GOLGA3: variants seen among roughly 807,000 people sequenced by gnomAD.
GOLGA3 encodes golgin subfamily A member 3.
GOLGA3 carries 75 observed loss-of-function variants against 169.4 expected under a neutral mutation model. That is an observed-to-expected ratio of 0.44 (90% confidence interval 0.37 to 0.54). The LOEUF (loss-of-function observed/expected upper bound fraction) is 0.54. GOLGA3 is among the 20% of genes least tolerant of loss of function. The pLI is 0.00. For missense variants in GOLGA3, 1,899 were observed against 1,930.0 expected (o/e 0.98, Z 0.30); for synonymous variants, 824 against 822.4 (o/e 1.00, Z -0.03).
Position 132,781,538 on chromosome 12 carries a change from A to C in GOLGA3, c.3466-624T>G, listed in dbSNP as rs187168477. 2.3e-3 allele frequency among the ~76,000 whole-genome samples: 352 copies of C among 152,288 alleles called. 1 individual carries two copies. Among genetic ancestry groups the C allele is most frequent in the Non-Finnish European group, 3.9e-3 (266 of 68,026 alleles). The stretch of plus-strand genomic sequence containing the variant: ...GCACTCCAGCCTGAGAGACAGAGTG[A>C]GACTCCGTATTACTAACAACAACAA... On this transcript the variant is annotated intron_variant, in intron 17 of 23. Transcript: ENST00000450791.
chr12:132,773,000 A>G lies in GOLGA3; in HGVS notation c.*105T>C. ...TTTACTTCTTGTTAAAGGCAAAACAAAACTTAAATTTCATGTCTTAGAAAA... is the reference window on the plus strand; with the variant it reads ...TTTACTTCTTGTTAAAGGCAAAACAGAACTTAAATTTCATGTCTTAGAAAA... On this transcript the variant is annotated 3_prime_UTR_variant, in exon 24 of 24. Coordinates refer to ENST00000450791, the MANE Select transcript of GOLGA3 (RefSeq NM_001389683.1). 1 of 877,650 alleles carries G rather than the reference A, an allele frequency of 1.1e-6. No individual in the cohort carries two copies. The highest frequency in any genetic ancestry group is 1.7e-6 in the Non-Finnish European group (1 of 592,700). The allele number at this position is 877,650 out of a possible 1,614,324, so 54.4% of individuals were successfully genotyped here. A position where few individuals can be genotyped will look rare whatever the true frequency, so the allele number is the denominator to read the frequency against.
rs146181557 is a variant in GOLGA3, at chr12:132,785,161, T to C, written c.3124-854A>G. Among the ~76,000 whole-genome samples, 3 of 152,324 alleles carry C rather than the reference T, an allele frequency of 2.0e-5. No homozygotes were observed. The East Asian group carries it at 5.8e-4, about 29-fold the overall frequency. ...AAGACATCGGCTCGCAGCTGTGCTATTCCTCAGCTGCAACAGCGTGGCGAG... is the reference window on the plus strand; with the variant it reads ...AAGACATCGGCTCGCAGCTGTGCTACTCCTCAGCTGCAACAGCGTGGCGAG... On this transcript the variant is annotated intron_variant, in intron 15 of 23. Transcript: ENST00000450791.
chr12:132,814,135 C>T (rs1234250419), intron 3 of GOLGA3, among the ~76,000 whole-genome samples: 1 of 151,300 alleles, frequency 6.6e-6, no homozygotes, highest in African/African-American at 2.4e-5. Flanking sequence ...AGCGATTCTC[C>T]TGCCACAGCC....
chr12:132,809,202 T>C (rs1314229686), intron 4 of GOLGA3, among the ~76,000 whole-genome samples: 1 of 152,210 alleles, frequency 6.6e-6, no homozygotes, highest in Non-Finnish European at 1.5e-5. Context: ...TCAGGGACTA[T>C]TAGTACTTTC....
intron 18 of GOLGA3, among the ~76,000 whole-genome samples, chr12:132,780,173 GC>G (rs934928721): frequency 8.2e-6 from 1 of 121,414 alleles, no homozygotes; most frequent in Non-Finnish European, 1.8e-5. Context: ...TGCATGCACA[GC>G]CCCCCGCGTG....
At chr12:132,826,253 A>AAAAAG in intron 1 of GOLGA3, 2 of 1,231,894 alleles carry the variant, frequency 1.6e-6, no homozygotes, top group Non-Finnish European at 2.2e-6. Context: ...AAAAAAAAAA[A>AAAAAG]AAAAAGAAAC....
chr12:132,773,486 A>G (rs1212811895), intron 23 of GOLGA3, among the ~76,000 whole-genome samples, 192 bp from the exon 24 acceptor site: 1 of 152,242 alleles, frequency 6.6e-6, no homozygotes, highest in Non-Finnish European at 1.5e-5. Context: ...ACACAGGCTC[A>G]AGGACCAGTC....
intron 1 of GOLGA3, among the ~76,000 whole-genome samples, chr12:132,826,880 G>A (rs745984651): frequency 3.9e-5 from 6 of 152,200 alleles, no homozygotes; most frequent in Non-Finnish European, 7.3e-5. Context: ...GTGCATCACA[G>A]AAAGCTGGTA....
At chr12:132,810,180 G>A (rs919294293) in intron 4 of GOLGA3, among the ~76,000 whole-genome samples, 7 of 152,132 alleles carry the variant, frequency 4.6e-5, no homozygotes, top group Non-Finnish European at 1.0e-4. Context: ...CCCAGGAGGT[G>A]GAGGTCGTAA....
At chr12:132,792,516 G>A (rs1948580307) in intron 11 of GOLGA3, among the ~76,000 whole-genome samples, 1 of 152,238 alleles carries the variant, frequency 6.6e-6, no homozygotes, top group African/African-American at 2.4e-5. Flanking sequence ...AGCCCATTCA[G>A]CCCAGGAGCT....
chr12:132,778,745 A>T (rs1201116433), intron 18 of GOLGA3, among the ~76,000 whole-genome samples: 3 of 151,854 alleles, frequency 2.0e-5, no homozygotes, highest in African/African-American at 7.2e-5. Flanking sequence ...AATACAAAAA[A>T]TTAGCCAGGC....
Position 132,774,276 on chromosome 12 carries a change from C to T in GOLGA3, c.4188G>A (p.Thr1396=), listed in dbSNP as rs760800524. Residue 1396 remains threonine, a synonymous_variant, in exon 23 of 24, where the codon ACG becomes ACA. Coordinates refer to ENST00000450791, the MANE Select transcript of GOLGA3 (RefSeq NM_001389683.1). The stretch of plus-strand genomic sequence containing the variant: ...CTGGGCAGTCCGGGATCTTGATGGG[C>T]GTGGCAGGGTTGGAAGAGCTGGCCT... ...KGEASSSNPA[T]PIKIPDCPVP... The T allele has an allele frequency of 3.1e-6, 5 of 1,612,826 alleles. No homozygotes were observed. Among genetic ancestry groups the T allele is most frequent in the East Asian group, 4.5e-5 (2 of 44,882 alleles).
At chr12:132,805,899 A>C (rs902848945) in intron 6 of GOLGA3, among the ~76,000 whole-genome samples, 1 of 152,136 alleles carries the variant, frequency 6.6e-6, no homozygotes, top group African/African-American at 2.4e-5. Context: ...AAGCGGATTC[A>C]GATCTGGGGG....
At chr12:132,824,248 G>A (rs1313339859) in intron 1 of GOLGA3, among the ~76,000 whole-genome samples, 1 of 152,226 alleles carries the variant, frequency 6.6e-6, no homozygotes, top group Admixed American at 6.5e-5. Flanking sequence ...GGTGGTGGGT[G>A]TAACCCAGTC....
At chr12:132,813,047 A>G (rs981013281) in intron 4 of GOLGA3, among the ~76,000 whole-genome samples, 5 of 152,262 alleles carry the variant, frequency 3.3e-5, no homozygotes, top group Non-Finnish European at 2.9e-5. Flanking sequence ...CTAGGAAACC[A>G]AAAACATTGT....
At chr12:132,773,432 G>GTTTTT in intron 23 of GOLGA3, 138 bp from the exon 24 acceptor site, 1 of 451,694 alleles carries the variant, frequency 2.2e-6, no homozygotes, top group South Asian at 4.8e-5. Flanking sequence ...TGAGACCACA[G>GTTTTT]AAGCTCAGCT....
At chr12:132,782,527 G>GCA in intron 16 of GOLGA3, 34 bp from the exon 17 acceptor site, 1 of 1,512,128 alleles carries the variant, frequency 6.6e-7, no homozygotes, top group Non-Finnish European at 9.2e-7. Flanking sequence ...AAAATTACCT[G>GCA]CACTGGTGAG....
chr12:132,775,895 C>T (rs375420902), intron 21 of GOLGA3, among the ~76,000 whole-genome samples: 1 of 152,388 alleles, frequency 6.6e-6, no homozygotes, highest in East Asian at 1.9e-4. Flanking sequence ...ACTTTTCCCA[C>T]GCACCCTCCC....
rs776322687 is a variant in GOLGA3 at position 132,789,110 on chromosome 12, G to T, written c.2728C>A (p.Gln910Lys). 2 of 1,613,344 alleles carry T rather than the reference G, an allele frequency of 1.2e-6. No homozygotes were observed. The highest frequency in any genetic ancestry group is 1.7e-6 in the Non-Finnish European group (2 of 1,179,982). Residue 910 changes from glutamine (Q) to lysine (K), a missense_variant, in exon 13 of 24, where the codon CAG becomes AAG. Coordinates refer to ENST00000450791, the MANE Select transcript of GOLGA3 (RefSeq NM_001389683.1). ...AGGTCCGCCATGTGCTGACGGACCT[G>T]GGCCACCTCTCTGTGCAGGCGCGAG... ...ELSRLHREVA[Q>K]VRQHMADLEG...
Sources: allele counts gnomAD v4.1 joint callset (sites outside exome capture counted in the v4.1 genomes callset), GRCh38; gene constraint gnomAD v4.1.1; transcripts MANE v1.5; gene names NCBI Gene and HGNC (gene_info 2026-07-23, HGNC 2026-07-21).